Variants in MYO7B observed in about 807,000 individuals in gnomAD.
MYO7B encodes unconventional myosin-VIIb.
A neutral mutation model predicts 259.7 loss-of-function variants in MYO7B; 212 were observed. The ratio of observed to expected loss-of-function variants is 0.82; its 90% CI spans 0.73 to 0.91. MYO7B has a LOEUF of 0.91. MYO7B is among the 40% of genes least tolerant of loss of function. The pLI is 0.00. For missense variants in MYO7B, 2,732 were observed against 2,813.5 expected (o/e 0.97, Z 0.66); for synonymous variants, 1,197 against 1,166.4 (o/e 1.03, Z -0.54).
At position 127,593,643 on chromosome 2, in the gene MYO7B, G is replaced by C. The variant is rs746010048; in HGVS notation, c.2243G>C (p.Arg748Thr). The change falls in exon 18 of 48, where the codon AGG becomes ACG. Residue 748 changes from arginine (R) to threonine (T), a missense_variant and splice_region_variant. This residue lies in a region of MYO7B where 1,906 missense variants were observed against 2,026.4 expected (regional missense o/e 0.94). Transcript: ENST00000409816. ...WKAGKTKIFLRDHQDTLLEVQ... is the reference protein window; with the variant it reads ...WKAGKTKIFLTDHQDTLLEVQ... ...GCGGGGAAGACAAAAATTTTCCTGA[G>C]GGTGAGACCCCGAGGAACCAGCCAG... is the stretch of plus-strand genomic sequence containing the variant. 1.2e-6 allele frequency: 2 copies of C among 1,613,516 alleles called. No homozygotes were observed. The highest frequency in any genetic ancestry group is 2.2e-5 in the East Asian group (1 of 44,874).
Position 127,627,565 on chromosome 2 carries a change from C to A in MYO7B, c.4460+255C>A. The A allele has an allele frequency of 1.6e-6, 1 of 611,802 alleles. No homozygotes were observed. The highest frequency in any genetic ancestry group is 1.5e-5 in the South Asian group (1 of 66,010). 37.9% of individuals were successfully genotyped at this position (611,802 alleles called of 1,614,324 possible). A position where few individuals can be genotyped will look rare whatever the true frequency, so the allele number is the denominator to read the frequency against. ...AGCTTCTCTTTGAAACCCAGGTCCA[C>A]CCGGAAGGGGCAGGGAAGCGTGCAG... On this transcript the variant is annotated intron_variant, in intron 33 of 47. Coordinates refer to ENST00000409816, the MANE Select transcript of MYO7B (RefSeq NM_001393586.1). This position sits in a 1 kb window ranked among gnomAD's most constrained non-coding sequence, Gnocchi z 5.6.
chr2:127,634,294 G>T lies in MYO7B; in HGVS notation c.5625+5G>T. 6.4e-7 allele frequency: 1 copy of T among 1,564,570 alleles called. No homozygotes were observed. The highest frequency in any genetic ancestry group is 1.4e-5 in the African/African-American group (1 of 72,882). On this transcript the variant is annotated splice_donor_5th_base_variant and intron_variant, in intron 41 of 47. Transcript: ENST00000409816. ...TTCATCAAGATTTCAGACAAGGTGG[G>T]CCGGGCTGGGGCTGGGCAGACGGTG...
At position 127,628,549 on chromosome 2, in the gene MYO7B, TGGGGTGGGGTGGGGTGGGGTGGGGTG is replaced by T; in HGVS notation, c.4624+19_4624+44del. ...GGAAGGCCACAGGTGCCAGACTGGG[TGGGGTGGGGTGGGGTGGGGTGGGGTG>T]GGGGAGGGCCGCGCATGGGGTCTGT... On this transcript the variant is annotated intron_variant, in intron 34 of 47. Coordinates refer to ENST00000409816, the MANE Select transcript of MYO7B (RefSeq NM_001393586.1). This position sits in a 1 kb window ranked among gnomAD's most constrained non-coding sequence, Gnocchi z 4.8. The T allele has an allele frequency of 1.2e-3, 3 of 2,542 alleles. No individual in the cohort carries two copies. Among genetic ancestry groups the T allele is most frequent in the Non-Finnish European group, 9.9e-4 (2 of 2,018 alleles). 0.2% of individuals were successfully genotyped at this position (2,542 alleles called of 1,614,324 possible).
chr2:127,556,242 G>A (rs554746693), intron 1 of MYO7B, among the ~76,000 whole-genome samples: 1 of 152,210 alleles, frequency 6.6e-6, no homozygotes, highest in Non-Finnish European at 1.5e-5. Flanking sequence ...GTGTCCATTT[G>A]CACAGAATGT....
chr2:127,606,785 C>T (rs116266384), intron 20 of MYO7B, among the ~76,000 whole-genome samples: 553 of 152,300 alleles, frequency 3.6e-3, no homozygotes, highest in Middle Eastern at 0.014. Flanking sequence ...TTTAAAGATG[C>T]CCTCAGGGAT....
chr2:127,564,346 C>T (rs1225596809), intron 3 of MYO7B, 80 bp downstream of exon 3: 3 of 1,159,134 alleles, frequency 2.6e-6, no homozygotes, highest in East Asian at 2.7e-5. Context: ...CCTGTGGAGC[C>T]TCTCCCCAAC....
rs1179815914 is a variant in MYO7B, at chr2:127,580,828, G to A, written c.1080+6G>A. ...CCGTGATGAAGTTACTGGAGGTAGG[G>A]GTGCTGTGCCCACAGCTTCCATTTT... is the stretch of plus-strand genomic sequence containing the variant. On this transcript the variant is annotated splice_donor_region_variant and intron_variant, in intron 10 of 47. Transcript: ENST00000409816. 2.5e-6 allele frequency: 4 copies of A among 1,611,686 alleles called. No individual in the cohort carries two copies. Among genetic ancestry groups the A allele is most frequent in the Admixed American group, 1.7e-5 (1 of 59,728 alleles).
chr2:127,631,463 A>AG (rs1335374852), intron 37 of MYO7B, 100 bp downstream of exon 37: 3 of 1,543,112 alleles, frequency 1.9e-6, no homozygotes, highest in African/African-American at 2.7e-5. Context: ...AGGAGAGCCC[A>AG]GGAGATCTGA....
At position 127,631,646 on chromosome 2, in the gene MYO7B, C is replaced by A. The variant is rs769317062; in HGVS notation, c.5142C>A (p.Pro1714=). The A allele has an allele frequency of 1.2e-6, 2 of 1,613,082 alleles. No homozygotes were observed. ...MGDYPSRQAW[P]TLELTDQIFT... The stretch of plus-strand genomic sequence containing the variant: ...ACTACCCTTCTCGGCAGGCCTGGCC[C>A]ACCCTGGAGCTCACCGACCAGATCT... Residue 1714 remains proline, a synonymous_variant, in exon 38 of 48, where the codon CCC becomes CCA. Transcript: ENST00000409816.
In MYO7B at chr2:127,539,311, A is replaced by T. The variant is rs948359620; in HGVS notation, c.-24+3480A>T. ...GAAAATGTTAGTAAACAAAATGTAC[A>T]TCAGAAAATCCCATATATTTGCTAG... On this transcript the variant is annotated intron_variant, in intron 1 of 47. Transcript: ENST00000409816. This position sits in a 1 kb window ranked among gnomAD's most constrained non-coding sequence, Gnocchi z 4.0. Among the ~76,000 whole-genome samples, 3 of 152,254 alleles carry T rather than the reference A, an allele frequency of 2.0e-5. No homozygotes were observed. Among genetic ancestry groups the T allele is most frequent in the African/African-American group, 7.2e-5 (3 of 41,464 alleles).
At chr2:127,547,279 G>C (rs542233382) in intron 1 of MYO7B, among the ~76,000 whole-genome samples, 5 of 152,306 alleles carry the variant, frequency 3.3e-5, no homozygotes, top group Admixed American at 2.0e-4. Flanking sequence ...ACAGGTGTGG[G>C]AGAGACACAC....
Position 127,620,364 on chromosome 2 carries a change from C to A in MYO7B, c.3423C>A (p.Cys1141Ter). ...GGGATGAGATTTACTGCCAGATCTG[C>A]AAGCAGCTCTCGGAGAACTTCAAAA... is the stretch of plus-strand genomic sequence containing the variant. Reference protein sequence around the residue: ...SLRDEIYCQICKQLSENFKTS... With the variant: ...SLRDEIYCQI Residue 1141 changes from cysteine to a stop codon, truncating the protein, a stop_gained, in exon 27 of 48, where the codon TGC (cysteine) becomes TGA (stop). Coordinates refer to ENST00000409816, the MANE Select transcript of MYO7B (RefSeq NM_001393586.1). LOFTEE classifies it high-confidence loss of function. 6.2e-7 allele frequency: 1 copy of A among 1,612,582 alleles called. No individual in the cohort carries two copies.
At position 127,608,809 on chromosome 2, in the gene MYO7B, G is replaced by A. The variant is rs1680261748; in HGVS notation, c.2745G>A (p.Val915=). 1.9e-6 allele frequency: 3 copies of A among 1,613,460 alleles called. No homozygotes were observed. Among genetic ancestry groups the A allele is most frequent in the African/African-American group, 2.7e-5 (2 of 74,946 alleles). ...ACACCGTCACTGACACGGAGATGGT[G>A]GAGAAGGTGTTCGGCTTCCTCCCTG... ...IYDTVTDTEM[V]EKVFGFLPAM... Residue 915 remains valine (V), a synonymous_variant, in exon 22 of 48, where the codon GTG becomes GTA. Coordinates refer to ENST00000409816, the MANE Select transcript of MYO7B (RefSeq NM_001393586.1).
intron 6 of MYO7B, among the ~76,000 whole-genome samples, chr2:127,572,821 G>A (rs2104902710): frequency 6.6e-6 from 1 of 152,130 alleles, no homozygotes; most frequent in African/African-American, 2.4e-5. Flanking sequence ...AGGAAGCGGT[G>A]CAATCAGATA....
intron 35 of MYO7B, among the ~76,000 whole-genome samples, chr2:127,630,531 G>C (rs1396013725): frequency 1.3e-5 from 2 of 152,290 alleles, no homozygotes; most frequent in African/African-American, 4.8e-5. Context: ...GTGGCCCCCA[G>C]AACGGGTGAT....
At chr2:127,562,341 A>G (rs1338448632) in intron 2 of MYO7B, among the ~76,000 whole-genome samples, 1 of 152,090 alleles carries the variant, frequency 6.6e-6, no homozygotes, top group African/African-American at 2.4e-5. Context: ...CTGTCAGCAA[A>G]GCTGGAGTGC....
At chr2:127,543,790 G>A (rs1348974135) in intron 1 of MYO7B, among the ~76,000 whole-genome samples, 1 of 151,212 alleles carries the variant, frequency 6.6e-6, no homozygotes, top group Non-Finnish European at 1.5e-5. Context: ...TGTCACCCAG[G>A]CTGGAGTGCA....
chr2:127,608,671 T>C, intron 21 of MYO7B, 37 bp from the exon 22 acceptor site: 1 of 1,589,304 alleles, frequency 6.3e-7, no homozygotes, highest in Non-Finnish European at 8.6e-7. Context: ...TGAGCCCTGC[T>C]GGGCCCCTGG....
chr2:127,633,013 C>T (rs2463756), intron 39 of MYO7B, among the ~76,000 whole-genome samples: 36,233 of 152,196 alleles, frequency 0.24, 5,715 homozygotes, highest in African/African-American at 0.45. Flanking sequence ...TTCCCGGGAG[C>T]CCCTGGCCTG....
Sources: allele counts gnomAD v4.1 joint callset (sites outside exome capture counted in the v4.1 genomes callset), GRCh38; gene constraint gnomAD v4.1.1; regional missense constraint gnomAD v4.1.1; non-coding constraint Gnocchi (gnomAD v3.1); transcripts MANE v1.5; gene names NCBI Gene and HGNC (gene_info 2026-07-23, HGNC 2026-07-21).